Variants in CHD3 observed in about 807,000 individuals in gnomAD.
CHD3 encodes the protein chromodomain helicase DNA binding protein 3, also known as ATP-dependent chromatin remodeler CHD3.
A neutral mutation model predicts 248.9 loss-of-function variants in CHD3; 52 were observed. That is an observed-to-expected ratio of 0.21 (90% CI 0.17 to 0.26). CHD3 has a LOEUF of 0.26. CHD3 is among the 10% of genes least tolerant of loss of function. CHD3 has a pLI of 1.00. For synonymous variants in CHD3, 985 were observed against 985.2 expected (o/e 1.00, Z 0.00); for missense variants, 1,482 against 2,605.8 (o/e 0.57, Z 9.39).
At position 7,911,554 on chromosome 17, in the gene CHD3, G is replaced by A. The variant is rs141550862; in HGVS notation, c.5972G>A (p.Arg1991Gln). The change falls in exon 40 of 40, where the codon CGA becomes CAA. Residue 1991 changes from arginine (R) to glutamine (Q), a missense_variant. Physicochemically the swap from Arg to Gln is conservative, Grantham distance 43. Around this residue, in one of 20 missense-constraint regions of CHD3, gnomAD observed 117 missense variants for 137.2 expected, o/e 0.85. Coordinates refer to ENST00000330494, the MANE Select transcript of CHD3 (RefSeq NM_001005273.3). This position sits in a 1 kb window ranked among gnomAD's most constrained non-coding sequence, Gnocchi z 5.4. ...VSDGLDRKEP[R>Q]AGEVICIDD ...GACGGGCTGGATCGGAAGGAGCCCC[G>A]AGCCGGGGAGGTGATCTGTATAGAC... 29 of 1,614,066 alleles carry A rather than the reference G, an allele frequency of 1.8e-5. No individual in the cohort carries two copies. Among genetic ancestry groups the A allele is most frequent in the Non-Finnish European group, 2.3e-5 (27 of 1,180,022 alleles).
chr17:7,891,285 T>C (rs970797515), intron 4 of CHD3, among the ~76,000 whole-genome samples: 2 of 152,144 alleles, frequency 1.3e-5, no homozygotes, highest in Non-Finnish European at 2.9e-5. Context: ...GGAGGGGCCA[T>C]CATGATTCCA....
At position 7,908,784 on chromosome 17, in the gene CHD3, G is replaced by A; in HGVS notation, c.5349G>A (p.Gly1783=). 6.2e-7 allele frequency: 1 copy of A among 1,614,154 alleles called. No individual in the cohort carries two copies. The highest frequency in any genetic ancestry group is 8.5e-7 in the Non-Finnish European group (1 of 1,180,008). Residue 1783 remains glycine, a synonymous_variant, in exon 36 of 40, where the codon GGG becomes GGA. Transcript: ENST00000330494. The surrounding 1 kb of genome is among the most constrained non-coding windows in gnomAD (Gnocchi z 5.8). ...NEPFKTEANK[G]NFLEMKNKFL... ...CATTTAAAACTGAAGCCAATAAGGG[G>A]AACTTTCTGGAGATGAAAAATAAGT... is the stretch of plus-strand genomic sequence containing the variant.
intron 4 of CHD3, among the ~76,000 whole-genome samples, chr17:7,892,949 T>A (rs931587370): frequency 6.6e-6 from 1 of 152,108 alleles, no homozygotes; most frequent in Non-Finnish European, 1.5e-5. Flanking sequence ...TATTTTTTTT[T>A]ATTTTAATTT....
In CHD3 at chr17:7,910,750, A is replaced by C. The variant is rs1373872695; in HGVS notation, c.5755-97A>C. ...CTCCCTGCCTGTGTATCCTACCCTT[A>C]GCAGTTGTGGAGTGTGGCTCATAAT... On this transcript the variant is annotated intron_variant, in intron 38 of 39. Coordinates refer to ENST00000330494, the MANE Select transcript of CHD3 (RefSeq NM_001005273.3). This position sits in a 1 kb window ranked among gnomAD's most constrained non-coding sequence, Gnocchi z 4.7. The C allele has an allele frequency of 6.6e-7, 1 of 1,524,808 alleles. No individual in the cohort carries two copies. The highest frequency in any genetic ancestry group is 8.8e-7 in the Non-Finnish European group (1 of 1,131,818). 94.5% of individuals were successfully genotyped at this position (1,524,808 alleles called of 1,614,324 possible).
At position 7,906,704 on chromosome 17, in the gene CHD3, G is replaced by T. The variant is rs750205250; in HGVS notation, c.4503+7G>T. 4.8e-5 allele frequency: 77 copies of T among 1,596,604 alleles called. No homozygotes were observed. Among genetic ancestry groups the T allele is most frequent in the Non-Finnish European group, 6.2e-5 (72 of 1,170,440 alleles). Reference sequence around the variant, plus strand: ...GTCTCTCGTCAAAAAGAAGGTATCAGTCTTCCTGTCACCCAAAGAATCAAG... The same window carrying T: ...GTCTCTCGTCAAAAAGAAGGTATCATTCTTCCTGTCACCCAAAGAATCAAG... On this transcript the variant is annotated splice_region_variant and intron_variant, in intron 29 of 39. Transcript: ENST00000330494. This position sits in a 1 kb window ranked among gnomAD's most constrained non-coding sequence, Gnocchi z 5.0.
intron 4 of CHD3, among the ~76,000 whole-genome samples, chr17:7,891,719 G>A (rs1320029658): frequency 1.3e-5 from 2 of 152,062 alleles, no homozygotes; most frequent in Non-Finnish European, 2.9e-5. Flanking sequence ...AAATTAGCTG[G>A]GCGTGGTGGC....
At position 7,899,824 on chromosome 17, in the gene CHD3, G is replaced by A. The variant is rs1467698751; in HGVS notation, c.2545-72G>A. 1.3e-6 allele frequency: 2 copies of A among 1,564,634 alleles called. No homozygotes were observed. The highest frequency in any genetic ancestry group is 2.3e-5 in the East Asian group (1 of 44,292). Reference sequence around the variant, plus strand: ...CTGTTGGGAGCCACAGTCAGGACAAGGTGTCTGGTTCTGGAGGTGTAGGTG... The same window carrying A: ...CTGTTGGGAGCCACAGTCAGGACAAAGTGTCTGGTTCTGGAGGTGTAGGTG... On this transcript the variant is annotated intron_variant, in intron 15 of 39. Coordinates refer to ENST00000330494, the MANE Select transcript of CHD3 (RefSeq NM_001005273.3). The surrounding 1 kb of genome is among the most constrained non-coding windows in gnomAD (Gnocchi z 6.8).
At chr17:7,888,675 C>A, upstream of CHD3, 1 of 401,276 alleles carries the variant, frequency 2.5e-6, no homozygotes, top group Non-Finnish European at 3.8e-6. Context: ...CCTGCTGAAG[C>A]AGGTACAGGC....
In CHD3 at chr17:7,910,517, G is replaced by A. The variant is rs762260094; in HGVS notation, c.5680G>A (p.Ala1894Thr). 2 of 1,613,674 alleles carry A rather than the reference G, an allele frequency of 1.2e-6. No homozygotes were observed. Among genetic ancestry groups the A allele is most frequent in the African/African-American group, 1.3e-5 (1 of 74,894 alleles). The change falls in exon 38 of 40, where the codon GCC becomes ACC. Residue 1894 changes from alanine to threonine, a missense_variant. Transcript: ENST00000330494. The surrounding 1 kb of genome is among the most constrained non-coding windows in gnomAD (Gnocchi z 4.7). ...ATLSRIPPIA[A>T]RLQMSERSIL... ...GCTGTCCCGAATACCCCCCATCGCA[G>A]CCCGCCTTCAGATGTCCGAGCGCAG...
rs2151515695 is a variant in CHD3 at position 7,895,203 on chromosome 17, C to T, written c.1503+53C>T. 1.9e-6 allele frequency: 3 copies of T among 1,592,980 alleles called. No homozygotes were observed. The highest frequency in any genetic ancestry group is 1.7e-5 in the Admixed American group (1 of 59,164). On this transcript the variant is annotated intron_variant, in intron 9 of 39. Coordinates refer to ENST00000330494, the MANE Select transcript of CHD3 (RefSeq NM_001005273.3). This position sits in a 1 kb window ranked among gnomAD's most constrained non-coding sequence, Gnocchi z 4.9. ...TTACTGTCAGGCCTGATCCCTTCCC[C>T]CATCCCTGGGGCCCACATGTCCAGC... is the stretch of plus-strand genomic sequence containing the variant.
chr17:7,890,502 G>A, intron 2 of CHD3, 69 bp from the exon 3 acceptor site: 1 of 1,075,496 alleles, frequency 9.3e-7, no homozygotes, highest in Non-Finnish European at 1.3e-6. Context: ...GTAAGATATG[G>A]TATGTGCTGA....
In CHD3 at chr17:7,906,634, G is replaced by A. The variant is rs1174129205; in HGVS notation, c.4440G>A (p.Arg1480=). The A allele has an allele frequency of 1.2e-6, 2 of 1,613,622 alleles. No homozygotes were observed. The highest frequency in any genetic ancestry group is 4.5e-5 in the East Asian group (2 of 44,848). Residue 1480 remains arginine (R), a synonymous_variant, in exon 29 of 40, where the codon CGG becomes CGA. Coordinates refer to ENST00000330494, the MANE Select transcript of CHD3 (RefSeq NM_001005273.3). This position sits in a 1 kb window ranked among gnomAD's most constrained non-coding sequence, Gnocchi z 5.0. ...GSETFADGVP[R]EGLSRQQVLT... ...AAACCTTTGCCGATGGGGTCCCTCG[G>A]GAGGGACTGAGTCGCCAGCAGGTGT...
In CHD3 at chr17:7,900,998, A is replaced by G; in HGVS notation, c.3120+5A>G. 6.2e-7 allele frequency: 1 copy of G among 1,613,588 alleles called. No individual in the cohort carries two copies. The highest frequency in any genetic ancestry group is 1.1e-5 in the South Asian group (1 of 91,026). On this transcript the variant is annotated splice_donor_5th_base_variant and intron_variant, in intron 19 of 39. Coordinates refer to ENST00000330494, the MANE Select transcript of CHD3 (RefSeq NM_001005273.3). The surrounding 1 kb of genome is among the most constrained non-coding windows in gnomAD (Gnocchi z 6.5). ...CTTTTTCCCGTGGCTGCTATGGTAGATACACAGAGCAGGGAGCTGATCGAA... is the reference window on the plus strand; with the variant it reads ...CTTTTTCCCGTGGCTGCTATGGTAGGTACACAGAGCAGGGAGCTGATCGAA...
chr17:7,896,227 C>CAAAAAAAAAAAAAA (rs750972677), intron 10 of CHD3, among the ~76,000 whole-genome samples: 1 of 57,928 alleles, frequency 1.7e-5, no homozygotes, highest in African/African-American at 6.3e-5. Flanking sequence ...CACTCTATCT[C>CAAAAAAAAAAAAAA]AAAAAAAAAA....
Position 7,907,684 on chromosome 17 carries a change from G to A in CHD3, c.5008G>A (p.Gly1670Arg). ...CAGGGAGAGGCCGGAGGGGGAAACA[G>A]GGGATTTGGGCAAGAGAGGTAATGG... ...EHRERPEGET[G>R]DLGKREDVKG... is the part of the protein sequence containing the mutation. Residue 1670 changes from glycine (G) to arginine (R), a missense_variant, in exon 33 of 40, where the codon GGG (glycine) becomes AGG (arginine). By Grantham distance (125) the Gly-to-Arg change is moderately radical (BLOSUM62 -2). Around this residue, in one of 20 missense-constraint regions of CHD3, gnomAD observed 254 missense variants for 266.7 expected, o/e 0.95. Coordinates refer to ENST00000330494, the MANE Select transcript of CHD3 (RefSeq NM_001005273.3). The surrounding 1 kb of genome is among the most constrained non-coding windows in gnomAD (Gnocchi z 4.3). 6.5e-6 allele frequency: 10 copies of A among 1,534,394 alleles called. No individual in the cohort carries two copies. The highest frequency in any genetic ancestry group is 7.0e-6 in the Non-Finnish European group (8 of 1,146,678).
chr17:7,898,917 A>T, intron 13 of CHD3, 94 bp from the exon 14 acceptor site: 3 of 1,119,282 alleles, frequency 2.7e-6, no homozygotes, highest in South Asian at 2.5e-5. Context: ...AGGGAATTGT[A>T]ATCCAACTTG....
chr17:7,893,603 C>A (rs1440762601), intron 5 of CHD3, 34 bp downstream of exon 5: 1 of 1,540,920 alleles, frequency 6.5e-7, no homozygotes, highest in Non-Finnish European at 8.7e-7. Flanking sequence ...TGTCATCTCA[C>A]CTTCCAAACT....
upstream of CHD3, among the ~76,000 whole-genome samples, chr17:7,886,080 C>T (rs1225425345): frequency 6.6e-6 from 1 of 152,210 alleles, no homozygotes; most frequent in Non-Finnish European, 1.5e-5. The surrounding 1 kb of genome is among the most constrained non-coding windows in gnomAD (Gnocchi z 4.2). Flanking sequence ...GTGACTCTCA[C>T]GTGGCTGCCA....
In CHD3 at chr17:7,888,949, G is replaced by A. The variant is rs371908467; in HGVS notation, c.-52G>A. On this transcript the variant is annotated 5_prime_UTR_variant, in exon 1 of 40. Transcript: ENST00000330494. ...GAATAGAATTGAAGGTAGGTTTTAGGCTACTTGGGAGGAGGAATATTTAGG... is the reference window on the plus strand; with the variant it reads ...GAATAGAATTGAAGGTAGGTTTTAGACTACTTGGGAGGAGGAATATTTAGG... 8.1e-6 allele frequency: 13 copies of A among 1,613,292 alleles called. No homozygotes were observed. Among genetic ancestry groups the A allele is most frequent in the African/African-American group, 1.3e-5 (1 of 75,020 alleles).
Sources: gnomAD v4.1 joint callset for allele counts (sites outside exome capture counted in the v4.1 genomes callset) on GRCh38, gnomAD v4.1.1 for gene constraint, gnomAD v4.1.1 regional missense constraint, Gnocchi (gnomAD v3.1) non-coding constraint, MANE v1.5 for transcripts, NCBI Gene and HGNC (gene_info 2026-07-23, HGNC 2026-07-21) for gene names.